Variants in EDA observed in about 807,000 individuals in gnomAD.
The protein encoded by EDA is ectodysplasin A, also known as ectodysplasin-A.
A neutral mutation model predicts 23.6 loss-of-function variants in EDA; 2 were observed. The observed-to-expected ratio is 0.08, with a 90% confidence interval of 0.03 to 0.27. EDA has a LOEUF of 0.27. EDA is among the 10% of genes least tolerant of loss of function. The pLI is 1.00. For synonymous variants in EDA, 131 were observed against 132.0 expected (o/e 0.99, Z 0.05); for missense variants, 229 against 324.2 (o/e 0.71, Z 2.26).
intron 1 of EDA, among the ~76,000 whole-genome samples, chrX:69,811,878 G>C (rs1406842665): frequency 9.0e-6 from 1 of 111,655 alleles, no homozygotes; most frequent in Non-Finnish European, 1.9e-5. Context: ...GCCTTGTGTG[G>C]TTTGAACTTT....
rs911304468 is a variant in EDA at position 69,793,525 on chromosome X, T to G, written c.397-163502T>G. Among the ~76,000 whole-genome samples the G allele has an allele frequency of 2.8e-5, 3 of 106,318 alleles. No individual in the cohort carries two copies. The Admixed American group carries it at 3.1e-4, about 11-fold the overall frequency. The allele number at this position is 106,318 out of a possible 115,157, so 92.3% of individuals were successfully genotyped here. A position where few individuals can be genotyped will look rare whatever the true frequency, so the allele number is the denominator to read the frequency against. On this transcript the variant is annotated intron_variant, in intron 1 of 7. Coordinates refer to ENST00000374552, the MANE Select transcript of EDA (RefSeq NM_001399.5). ...ATGTTGGCTTTTGCCTTTAAGCTTG[T>G]CCCCTAATGGTTGAATGGAGCTTTT...
intron 1 of EDA, among the ~76,000 whole-genome samples, chrX:69,893,210 G>T (rs1385091456): frequency 9.0e-6 from 1 of 110,916 alleles, no homozygotes; most frequent in African/African-American, 3.3e-5. Context: ...TTTCTCATCT[G>T]TATCTGTGTG....
chrX:69,639,746 G>T (rs1476449178), intron 1 of EDA, among the ~76,000 whole-genome samples: 1 of 111,572 alleles, frequency 9.0e-6, no homozygotes, highest in African/African-American at 3.3e-5. Context: ...ATCTTTTGAT[G>T]CACAAAATTT....
At chrX:69,693,204 G>T (rs1313089535) in intron 1 of EDA, 1 of 110,967 alleles carries the variant, frequency 9.0e-6, no homozygotes, top group Non-Finnish European at 1.9e-5. Flanking sequence ...AACTATTCAT[G>T]AATTGAGCAA....
chrX:69,649,038 G>A (rs371144710), intron 1 of EDA, among the ~76,000 whole-genome samples: 7 of 111,641 alleles, frequency 6.3e-5, no homozygotes, highest in African/African-American at 2.3e-4. Context: ...CGGGTGGGCC[G>A]TCATCCCTCT....
At chrX:69,707,132 C>T (rs2011760478) in intron 1 of EDA, among the ~76,000 whole-genome samples, 1 of 112,111 alleles carries the variant, frequency 8.9e-6, no homozygotes, top group South Asian at 3.7e-4. Context: ...ATATAGTCAA[C>T]AGGGTTTTGA....
chrX:69,706,149 C>A (rs758515653), intron 1 of EDA, among the ~76,000 whole-genome samples: 5 of 111,692 alleles, frequency 4.5e-5, no homozygotes, highest in Non-Finnish European at 9.4e-5. Context: ...TAAAAATAGG[C>A]AGATTCCCAG....
At chrX:69,659,471 A>G (rs2147252946) in intron 1 of EDA, among the ~76,000 whole-genome samples, 1 of 111,979 alleles carries the variant, frequency 8.9e-6, no homozygotes, top group East Asian at 2.8e-4. Flanking sequence ...AATCATAAAT[A>G]TAATCAACAA....
intron 1 of EDA, among the ~76,000 whole-genome samples, chrX:69,906,401 A>C (rs1479618114): frequency 8.9e-6 from 1 of 112,728 alleles, no homozygotes; most frequent in Non-Finnish European, 1.9e-5. Context: ...GCACAAGGAC[A>C]AAAAGAAGCA....
chrX:69,805,727 G>A (rs975210129), intron 1 of EDA, among the ~76,000 whole-genome samples: 12 of 111,701 alleles, frequency 1.1e-4, no homozygotes, highest in Non-Finnish European at 2.3e-4. Flanking sequence ...TTGAAATTAA[G>A]CAGCTGTGGT....
chrX:69,758,359 A>G lies in EDA; in HGVS notation c.396+141655A>G, dbSNP rs191543575. Among the ~76,000 whole-genome samples the G allele has an allele frequency of 1.6e-3, 174 of 112,187 alleles. 1 individual carries two copies. Among genetic ancestry groups the G allele is most frequent in the Non-Finnish European group, 2.6e-3 (136 of 53,231 alleles). ...ATGAAATGCTCTAATAGTGTGGACT[A>G]GATGATCTGGTAGAAAGAAGATTCA... On this transcript the variant is annotated intron_variant, in intron 1 of 7. Coordinates refer to ENST00000374552, the MANE Select transcript of EDA (RefSeq NM_001399.5).
intron 2 of EDA, among the ~76,000 whole-genome samples, chrX:69,979,374 A>G (rs373651778): frequency 5.4e-5 from 6 of 112,049 alleles, no homozygotes; most frequent in South Asian, 3.7e-4. Flanking sequence ...CAAGATTTTT[A>G]TGGAAATATG....
chrX:69,677,672 G>T (rs1477699210), intron 1 of EDA, among the ~76,000 whole-genome samples: 6 of 108,523 alleles, frequency 5.5e-5, no homozygotes, highest in African/African-American at 1.0e-4. Context: ...TTTTGATGGG[G>T]TTGTTTTTTT....
intron 1 of EDA, among the ~76,000 whole-genome samples, chrX:69,816,069 G>T (rs1470319249): frequency 9.0e-6 from 1 of 111,169 alleles, no homozygotes; most frequent in Non-Finnish European, 1.9e-5. Flanking sequence ...AGGCAACTGG[G>T]GTCTGGAATG....
chrX:69,689,360 A>G (rs1934639619), intron 1 of EDA, among the ~76,000 whole-genome samples: 1 of 106,766 alleles, frequency 9.4e-6, no homozygotes. Context: ...CAGTGGCGCA[A>G]TCTTGGCTCA....
At chrX:69,710,316 G>A (rs1358560269) in intron 1 of EDA, among the ~76,000 whole-genome samples, 1 of 110,376 alleles carries the variant, frequency 9.1e-6, no homozygotes, top group African/African-American at 3.3e-5. Context: ...TAGATATGCG[G>A]CATTATTTCT....
At chrX:69,656,078 T>C (rs192100899) in intron 1 of EDA, among the ~76,000 whole-genome samples, 233 of 109,877 alleles carry the variant, frequency 2.1e-3, no homozygotes, top group African/African-American at 7.4e-3. Context: ...GCCTTGTCTG[T>C]GCCTCTCAGG....
At chrX:69,736,568 A>G (rs781586029) in intron 1 of EDA, among the ~76,000 whole-genome samples, 2 of 109,968 alleles carry the variant, frequency 1.8e-5, no homozygotes, top group East Asian at 5.9e-4. Flanking sequence ...GCCTCATGTG[A>G]TTCACCCACC....
At chrX:69,750,721 AGTGTGAG>A (rs1291472889) in intron 1 of EDA, among the ~76,000 whole-genome samples, 1 of 111,372 alleles carries the variant, frequency 9.0e-6, no homozygotes, top group Non-Finnish European at 1.9e-5. Context: ...CATTCTAACT[AGTGTGAG>A]ATGGTATCTC....
Sources: allele counts gnomAD v4.1 joint callset (sites outside exome capture counted in the v4.1 genomes callset), GRCh38; gene constraint gnomAD v4.1.1; transcripts MANE v1.5; gene names NCBI Gene and HGNC (gene_info 2026-07-23, HGNC 2026-07-21).